The following BABAM2 variants were observed in gnomAD, a reference collection of about 807,000 sequenced individuals.
BABAM2 encodes BRISC and BRCA1 A complex member 2.
A neutral mutation model predicts 54.7 loss-of-function variants in BABAM2; 31 were observed. That is an observed-to-expected ratio of 0.57 (90% CI 0.43 to 0.77). BABAM2 has a LOEUF of 0.77. BABAM2 is among the 30% of genes least tolerant of loss of function. The pLI is 0.00. For synonymous variants in BABAM2, 167 were observed against 162.9 expected (o/e 1.03, Z -0.19); for missense variants, 364 against 455.8 (o/e 0.80, Z 1.83).
chr2:28,128,658 T>C (rs1669778011), intron 6 of BABAM2, among the ~76,000 whole-genome samples: 1 of 152,246 alleles, frequency 6.6e-6, no homozygotes, highest in African/African-American at 2.4e-5. Flanking sequence ...TATTGGTACA[T>C]ACTTGGATCA....
At chr2:28,133,114 T>A (rs1435244199) in intron 7 of BABAM2, among the ~76,000 whole-genome samples, 1 of 152,206 alleles carries the variant, frequency 6.6e-6, no homozygotes, top group Non-Finnish European at 1.5e-5. Context: ...AAGATTAACA[T>A]AAAAGAAGTA....
chr2:28,249,142 C>T (rs568381072), intron 10 of BABAM2, among the ~76,000 whole-genome samples: 5 of 146,466 alleles, frequency 3.4e-5, no homozygotes, highest in East Asian at 2.0e-4. Context: ...GGCTGGAATG[C>T]GGTAGTGTGA....
chr2:28,181,406 T>C (rs965774830), intron 7 of BABAM2, among the ~76,000 whole-genome samples: 5 of 152,232 alleles, frequency 3.3e-5, no homozygotes, highest in African/African-American at 1.2e-4. Flanking sequence ...CATTTATATG[T>C]GGGAGCTAAC....
intron 3 of BABAM2, among the ~76,000 whole-genome samples, chr2:27,954,625 A>T (rs1186061346): frequency 6.6e-6 from 1 of 152,236 alleles, no homozygotes; most frequent in African/African-American, 2.4e-5. Flanking sequence ...AGAAATAGGT[A>T]ATAGATATCC....
At chr2:28,040,543 G>T (rs943087414) in intron 5 of BABAM2, among the ~76,000 whole-genome samples, 1 of 151,602 alleles carries the variant, frequency 6.6e-6, no homozygotes, top group Non-Finnish European at 1.5e-5. Flanking sequence ...CTCGTGATCC[G>T]CCCGCCTCGG....
At chr2:27,949,993 G>A (rs1669585210) in intron 3 of BABAM2, among the ~76,000 whole-genome samples, 1 of 152,122 alleles carries the variant, frequency 6.6e-6, no homozygotes, top group Non-Finnish European at 1.5e-5. Flanking sequence ...CTGGCTTGTG[G>A]AGATAAATAA....
chr2:28,194,009 C>T (rs963031165), intron 7 of BABAM2, among the ~76,000 whole-genome samples: 6 of 152,190 alleles, frequency 3.9e-5, no homozygotes, highest in Non-Finnish European at 7.4e-5. Flanking sequence ...GACCCCGTAA[C>T]CAAATTTGGG....
At chr2:28,192,679 G>A (rs1431311425) in intron 7 of BABAM2, among the ~76,000 whole-genome samples, 1 of 151,096 alleles carries the variant, frequency 6.6e-6, no homozygotes, top group Non-Finnish European at 1.5e-5. Flanking sequence ...GTGCCACCAC[G>A]GCCAGATAAT....
chr2:28,180,092 T>A (rs1304279439), intron 7 of BABAM2, among the ~76,000 whole-genome samples: 1 of 152,070 alleles, frequency 6.6e-6, no homozygotes, highest in Non-Finnish European at 1.5e-5. Context: ...CCAATGTCAT[T>A]TTTCACAGAA....
intron 10 of BABAM2, among the ~76,000 whole-genome samples, chr2:28,281,342 A>G (rs2148194046): frequency 6.6e-6 from 1 of 152,334 alleles, no homozygotes; most frequent in East Asian, 1.9e-4. Context: ...AATTGGTGTG[A>G]TGTGATTGGT....
At chr2:27,929,023 C>T (rs913402423) in intron 2 of BABAM2, among the ~76,000 whole-genome samples, 1 of 145,036 alleles carries the variant, frequency 6.9e-6, no homozygotes, top group East Asian at 2.0e-4. Context: ...CGAGACCACC[C>T]TGGGTAACAT....
chr2:28,273,516 C>T (rs904405364), intron 10 of BABAM2, among the ~76,000 whole-genome samples: 4 of 152,162 alleles, frequency 2.6e-5, no homozygotes, highest in Admixed American at 2.0e-4. Context: ...GTCAGGAGTT[C>T]GAGACCAGCC....
chr2:28,030,386 T>A (rs1676205132), intron 5 of BABAM2, among the ~76,000 whole-genome samples: 1 of 152,212 alleles, frequency 6.6e-6, no homozygotes, highest in African/African-American at 2.4e-5. Context: ...GGGCAATGGT[T>A]ATGGATTCAA....
intron 6 of BABAM2, among the ~76,000 whole-genome samples, chr2:28,079,626 G>A (rs1192287395): frequency 6.6e-6 from 1 of 152,126 alleles, no homozygotes; most frequent in Non-Finnish European, 1.5e-5. Context: ...TGAGCTCTAG[G>A]CCTTTGGTCA....
intron 10 of BABAM2, among the ~76,000 whole-genome samples, chr2:28,273,373 C>G (rs1685596628): frequency 6.6e-6 from 1 of 152,176 alleles, no homozygotes; most frequent in Non-Finnish European, 1.5e-5. Flanking sequence ...TTCCACTGTT[C>G]AATCTGAAAG....
At chr2:28,269,751 G>A (rs1225865711) in intron 10 of BABAM2, among the ~76,000 whole-genome samples, 8 of 152,156 alleles carry the variant, frequency 5.3e-5, no homozygotes, top group African/African-American at 1.4e-4. Context: ...GCCCATAAAA[G>A]GGAGGCCACA....
chr2:28,073,961 A>G (rs899831631), intron 6 of BABAM2, among the ~76,000 whole-genome samples: 1 of 152,100 alleles, frequency 6.6e-6, no homozygotes, highest in Admixed American at 6.6e-5. Context: ...AGGTTTTTAT[A>G]TATAAATATA....
chr2:27,925,158 A>G (rs762052242), intron 2 of BABAM2, among the ~76,000 whole-genome samples: 2 of 152,196 alleles, frequency 1.3e-5, no homozygotes, highest in Non-Finnish European at 2.9e-5. Context: ...TTGGAAAGTA[A>G]GTGATCTTTC....
chr2:28,298,257 A>T, intron 10 of BABAM2, 81 bp from the exon 11 acceptor site: 1 of 1,444,010 alleles, frequency 6.9e-7, no homozygotes, highest in Non-Finnish European at 9.5e-7. Flanking sequence ...TTTCGTACCT[A>T]ACATTCGGAT....
Sources: allele counts gnomAD v4.1 joint callset (sites outside exome capture counted in the v4.1 genomes callset), GRCh38; gene constraint gnomAD v4.1.1; transcripts MANE v1.5; gene names NCBI Gene and HGNC (gene_info 2026-07-23, HGNC 2026-07-21).